Variants in SPMAP2L observed in about 807,000 individuals in gnomAD.
The protein encoded by SPMAP2L is sperm microtubule associated protein 2-like.
the SPMAP2L span, among the ~76,000 whole-genome samples, chr4:56,539,355 A>G: frequency 6.6e-6 from 1 of 152,226 alleles, no homozygotes; most frequent in Non-Finnish European, 1.5e-5. Context: ...AATGTACTGG[A>G]GTATCCTACA....
the SPMAP2L span, among the ~76,000 whole-genome samples, chr4:56,585,677 T>C: frequency 6.6e-6 from 1 of 152,212 alleles, no homozygotes; most frequent in African/African-American, 2.4e-5. Context: ...CTTACCACTT[T>C]CTTTTCTCAA....
chr4:56,598,267 G>A, the SPMAP2L span, among the ~76,000 whole-genome samples: 19 of 152,194 alleles, frequency 1.2e-4, no homozygotes, highest in African/African-American at 4.6e-4. Flanking sequence ...GGTAGATGTG[G>A]TTTTTAAAGT....
chr4:56,535,701 A>G, the SPMAP2L span, among the ~76,000 whole-genome samples: 1 of 152,142 alleles, frequency 6.6e-6, no homozygotes, highest in East Asian at 1.9e-4. Context: ...CCACTGCAGT[A>G]GCCTCCAGCT....
At chr4:56,575,772 AAAATC>A in the SPMAP2L span, 1 of 848,974 alleles carries the variant, frequency 1.2e-6, no homozygotes, top group Non-Finnish European at 1.7e-6. Flanking sequence ...CATCAGGTAA[AAAATC>A]AAATATTTGC....
chr4:56,619,870 AAAAAACAAAAAC>A, the SPMAP2L span, among the ~76,000 whole-genome samples: 11 of 152,012 alleles, frequency 7.2e-5, no homozygotes, highest in African/African-American at 2.4e-4. Context: ...CTCAATACTA[AAAAAACAAAAAC>A]AAAAACAAAA....
the SPMAP2L span, among the ~76,000 whole-genome samples, chr4:56,602,653 C>G: frequency 6.6e-6 from 1 of 152,026 alleles, no homozygotes; most frequent in Non-Finnish European, 1.5e-5. Context: ...AGAGATCGCA[C>G]CACTGCACTC....
the SPMAP2L span, among the ~76,000 whole-genome samples, chr4:56,581,566 G>C: frequency 6.6e-6 from 1 of 151,512 alleles, no homozygotes; most frequent in South Asian, 2.1e-4. Context: ...GCTGCAGTGA[G>C]ATGTGATGGT....
the SPMAP2L span, among the ~76,000 whole-genome samples, chr4:56,590,382 GCTAAAAGGTTCATTCAAT>G: frequency 1.3e-5 from 2 of 152,178 alleles, no homozygotes; most frequent in Non-Finnish European, 2.9e-5. Context: ...ATTATGCATG[GCTAAAAGGTTCATTCAAT>G]GTGCAAGATA....
chr4:56,556,020 A>T, the SPMAP2L span, among the ~76,000 whole-genome samples: 1 of 152,180 alleles, frequency 6.6e-6, no homozygotes, highest in Non-Finnish European at 1.5e-5. Context: ...AACAATAGAA[A>T]AATTGGAGAC....
the SPMAP2L span, among the ~76,000 whole-genome samples, chr4:56,552,790 TACATTGGAATC>T: frequency 6.6e-6 from 1 of 152,178 alleles, no homozygotes; most frequent in Non-Finnish European, 1.5e-5. Flanking sequence ...AATTTGGCTG[TACATTGGAATC>T]ACCTGGGGAA....
chr4:56,593,262 G>T, the SPMAP2L span: 3 of 1,218,310 alleles, frequency 2.5e-6, no homozygotes, highest in South Asian at 3.6e-5. Flanking sequence ...GAGGGACTGC[G>T]GCTGCAGAGG....
the SPMAP2L span, among the ~76,000 whole-genome samples, chr4:56,617,578 G>A: frequency 6.6e-6 from 1 of 152,124 alleles, no homozygotes; most frequent in Non-Finnish European, 1.5e-5. Context: ...CTGACCCCAC[G>A]GCAGTGTCTA....
At chr4:56,594,355 T>C in the SPMAP2L span, 1 of 1,539,370 alleles carries the variant, frequency 6.5e-7, no homozygotes, top group African/African-American at 1.4e-5. Context: ...ACAGTTCGTC[T>C]GAACTCGCAC....
At chr4:56,542,220 T>C in the SPMAP2L span, among the ~76,000 whole-genome samples, 1 of 152,340 alleles carries the variant, frequency 6.6e-6, no homozygotes, top group South Asian at 2.1e-4. Flanking sequence ...CAGAGAAATC[T>C]GGGAACAGAT....
chr4:56,561,875 C>A, the SPMAP2L span, among the ~76,000 whole-genome samples: 1 of 152,190 alleles, frequency 6.6e-6, no homozygotes, highest in Non-Finnish European at 1.5e-5. Context: ...AGGCGCCCAC[C>A]ACCATGCCCA....
the SPMAP2L span, among the ~76,000 whole-genome samples, chr4:56,579,561 G>A: frequency 6.6e-6 from 1 of 152,090 alleles, no homozygotes; most frequent in Non-Finnish European, 1.5e-5. Context: ...TTTGAGGCTA[G>A]GAGTTTGAGA....
the SPMAP2L span, among the ~76,000 whole-genome samples, chr4:56,595,964 A>G: frequency 6.6e-6 from 1 of 152,182 alleles, no homozygotes; most frequent in Non-Finnish European, 1.5e-5. Flanking sequence ...ATTGGGAGCC[A>G]TTTTGTGTTT....
chr4:56,562,141 ACG>A, the SPMAP2L span, among the ~76,000 whole-genome samples: 1 of 152,138 alleles, frequency 6.6e-6, no homozygotes, highest in African/African-American at 2.4e-5. Context: ...ATCATCTATT[ACG>A]GGGGATATAC....
At chr4:56,573,617 T>C in the SPMAP2L span, among the ~76,000 whole-genome samples, 1 of 152,156 alleles carries the variant, frequency 6.6e-6, no homozygotes, top group Non-Finnish European at 1.5e-5. Flanking sequence ...ACCACTTCCT[T>C]CTGTATTTCT....
Sources: allele counts gnomAD v4.1 joint callset (sites outside exome capture counted in the v4.1 genomes callset), GRCh38; gene constraint gnomAD v4.1.1; transcripts MANE v1.5; gene names NCBI Gene and HGNC (gene_info 2026-07-23, HGNC 2026-07-21).